PRMT8: variants seen among roughly 807,000 people sequenced by gnomAD.
The protein encoded by PRMT8 is protein arginine methyltransferase 8.
In PRMT8, 7 loss-of-function variants were observed where a neutral mutation model predicts 47.1. The ratio of observed to expected loss-of-function variants is 0.15; its 90% CI spans 0.08 to 0.28. PRMT8 has a LOEUF of 0.28. Ranked by LOEUF, PRMT8 falls within the 10% of genes least tolerant of loss-of-function variation. The probability of loss-of-function intolerance (pLI) is 1.00; values close to 1 mark genes in which losing one functional copy is unlikely to be tolerated. For synonymous variants in PRMT8, 188 were observed against 186.5 expected (o/e 1.01, Z -0.07); for missense variants, 237 against 505.4 (o/e 0.47, Z 5.09).
At position 3,580,372 on chromosome 12, in the gene PRMT8, G is replaced by A. The variant is rs561947388; in HGVS notation, c.829-2686G>A. Among the ~76,000 whole-genome samples, 14 of 147,450 alleles carry A rather than the reference G, an allele frequency of 9.5e-5. No individual in the cohort carries two copies. Among genetic ancestry groups the A allele is most frequent in the Non-Finnish European group, 1.7e-4 (11 of 65,646 alleles). On this transcript the variant is annotated intron_variant, in intron 7 of 9. Coordinates refer to ENST00000382622, the MANE Select transcript of PRMT8 (RefSeq NM_019854.5). This position sits in a 1 kb window ranked among gnomAD's most constrained non-coding sequence, Gnocchi z 4.6. Reference sequence around the variant, plus strand: ...TGTGTGTGTGTGTGTGTGTGTACGCGTGCGCATGCGGGATAGAAGGAGAAA... The same window carrying A: ...TGTGTGTGTGTGTGTGTGTGTACGCATGCGCATGCGGGATAGAAGGAGAAA...
rs370777490 is a variant in PRMT8 at position 3,569,131 on chromosome 12, G to T, written c.624+283G>T. On this transcript the variant is annotated intron_variant, in intron 5 of 9. Transcript: ENST00000382622. This position sits in a 1 kb window ranked among gnomAD's most constrained non-coding sequence, Gnocchi z 8.2. ...CTTGTCGAGTTAAAGGTCCGTTTCG[G>T]TCAGCAAGTACTTAGGACTTGCATG... 6.6e-6 allele frequency among the ~76,000 whole-genome samples: 1 copy of T among 152,182 alleles called. No homozygotes were observed. The highest frequency in any genetic ancestry group is 1.5e-5 in the Non-Finnish European group (1 of 68,038).
intron 1 of PRMT8, among the ~76,000 whole-genome samples, chr12:3,412,789 A>G (rs762085607): frequency 3.3e-5 from 5 of 152,136 alleles, no homozygotes; most frequent in Admixed American, 6.5e-5. Context: ...AGATTTTTGT[A>G]TTTTTAGTAG....
rs894511098 is a variant in PRMT8, at chr12:3,566,359, AC to A, written c.482-2343del. Among the ~76,000 whole-genome samples the A allele has an allele frequency of 6.6e-6, 1 of 151,748 alleles. No homozygotes were observed. The highest frequency in any genetic ancestry group is 1.5e-5 in the Non-Finnish European group (1 of 67,944). The stretch of plus-strand genomic sequence containing the variant: ...GAGACCCAGAGAAACTTCAACACCT[AC>A]CCCTCCCACTCCCACCAAAACTTTT... On this transcript the variant is annotated intron_variant, in intron 4 of 9. Transcript: ENST00000382622. The surrounding 1 kb of genome is among the most constrained non-coding windows in gnomAD (Gnocchi z 4.7).
In PRMT8 at chr12:3,508,365, G is replaced by A. The variant is rs188424276; in HGVS notation, c.75+16665G>A. On this transcript the variant is annotated intron_variant, in intron 1 of 9. Coordinates refer to ENST00000382622, the MANE Select transcript of PRMT8 (RefSeq NM_019854.5). This position sits in a 1 kb window ranked among gnomAD's most constrained non-coding sequence, Gnocchi z 4.9. ...TCATATACAAACATACATATCCTGT[G>A]TGATTTGTAGTTCATAATATGTGAG... Among the ~76,000 whole-genome samples the A allele has an allele frequency of 2.2e-4, 33 of 152,300 alleles. No homozygotes were observed. Among genetic ancestry groups the A allele is most frequent in the Non-Finnish European group, 4.0e-4 (27 of 68,026 alleles).
intron 1 of PRMT8, among the ~76,000 whole-genome samples, chr12:3,449,831 G>C (rs1417713490): frequency 6.6e-6 from 1 of 152,130 alleles, no homozygotes; most frequent in Non-Finnish European, 1.5e-5. Context: ...GTGTTGCCTA[G>C]ATTTTCTTTT....
intron 1 of PRMT8, among the ~76,000 whole-genome samples, chr12:3,472,250 C>CT (rs1437866244): frequency 6.6e-6 from 1 of 152,216 alleles, no homozygotes; most frequent in Non-Finnish European, 1.5e-5. Context: ...CCCAGGGCCT[C>CT]TGTTTGCTTG....
chr12:3,522,658 A>C (rs1334603814), intron 1 of PRMT8, among the ~76,000 whole-genome samples: 4 of 151,506 alleles, frequency 2.6e-5, no homozygotes, highest in African/African-American at 7.3e-5. Flanking sequence ...TAAAAAAAAA[A>C]AAAAAAAAAA....
chr12:3,573,025 T>C (rs1321819185), intron 6 of PRMT8, among the ~76,000 whole-genome samples: 1 of 152,230 alleles, frequency 6.6e-6, no homozygotes, highest in Non-Finnish European at 1.5e-5. Context: ...TGTGGATGGA[T>C]TGTTTCGTTA....
At chr12:3,415,322 G>C (rs1864473221) in intron 1 of PRMT8, among the ~76,000 whole-genome samples, 1 of 152,160 alleles carries the variant, frequency 6.6e-6, no homozygotes, top group African/African-American at 2.4e-5. Flanking sequence ...ACCCAGTCCT[G>C]TTGAATTTTT....
At chr12:3,408,474 C>T (rs998727506) in intron 1 of PRMT8, among the ~76,000 whole-genome samples, 6 of 152,110 alleles carry the variant, frequency 3.9e-5, no homozygotes, top group African/African-American at 1.2e-4. Flanking sequence ...TGGACTCAAG[C>T]GATCTTCCTG....
rs553327399 is a variant in PRMT8 at position 3,421,031 on chromosome 12, T to C, written c.48+39589T>C. On this transcript the variant is annotated intron_variant, in intron 1 of 9. Transcript: ENST00000452611. ...CAGGCATTCCACTGGGAGGAGACGATATTGTGACTATGCTTTGGAAAGGAC... is the reference window on the plus strand; with the variant it reads ...CAGGCATTCCACTGGGAGGAGACGACATTGTGACTATGCTTTGGAAAGGAC... Among the ~76,000 whole-genome samples the C allele has an allele frequency of 2.6e-5, 4 of 152,290 alleles. No homozygotes were observed. The South Asian group carries it at 8.3e-4, about 32-fold the overall frequency.
intron 1 of PRMT8, among the ~76,000 whole-genome samples, chr12:3,405,704 C>T (rs1488505031): frequency 6.6e-6 from 1 of 152,208 alleles, no homozygotes; most frequent in Admixed American, 6.5e-5. Context: ...AAATGATCTC[C>T]TTTGACACCA....
intron 1 of PRMT8, among the ~76,000 whole-genome samples, chr12:3,428,144 C>T (rs1017738675): frequency 2.0e-5 from 3 of 152,078 alleles, no homozygotes; most frequent in African/African-American, 4.8e-5. Flanking sequence ...TAGGTCTGGT[C>T]GGACCTTTGT....
intron 1 of PRMT8, among the ~76,000 whole-genome samples, chr12:3,425,498 A>G (rs531413789): frequency 2.6e-3 from 393 of 152,354 alleles, no homozygotes; most frequent in Non-Finnish European, 4.6e-3. Context: ...AGGTTTTGTC[A>G]GGTCAGGTAG....
chr12:3,385,316 C>T (rs1864128130), intron 1 of PRMT8, among the ~76,000 whole-genome samples: 2 of 152,198 alleles, frequency 1.3e-5, no homozygotes, highest in South Asian at 4.1e-4. Context: ...TAAGCTGCTA[C>T]ACCATACCAC....
chr12:3,491,832 C>CTG lies in PRMT8; in HGVS notation c.75+188_75+189dup, dbSNP rs531683101. 1.5e-3 allele frequency: 829 copies of CTG among 536,306 alleles called. 34 individuals are homozygous for CTG. Among genetic ancestry groups the CTG allele is most frequent in the African/African-American group, 4.9e-3 (94 of 19,254 alleles). The allele number at this position is 536,306 out of a possible 1,614,324, so 33.2% of individuals were successfully genotyped here. A position where few individuals can be genotyped will look rare whatever the true frequency, so the allele number is the denominator to read the frequency against. ...CCCGCTCGCTTCTGCCGGCCTCCTC[C>CTG]TGTGTGTGTGTGTGTGTGTGTGTGT... On this transcript the variant is annotated intron_variant, in intron 1 of 9. Transcript: ENST00000382622.
At chr12:3,533,468 T>C (rs947266264) in intron 1 of PRMT8, among the ~76,000 whole-genome samples, 3 of 152,240 alleles carry the variant, frequency 2.0e-5, no homozygotes, top group African/African-American at 7.2e-5. Context: ...ATTTTTTAGC[T>C]CATCAGCAAT....
chr12:3,400,739 C>T lies in PRMT8; in HGVS notation c.48+19297C>T, dbSNP rs143570218. Among the ~76,000 whole-genome samples, 140 of 152,284 alleles carry T rather than the reference C, an allele frequency of 9.2e-4. 1 individual carries two copies. The highest frequency in any genetic ancestry group is 3.1e-3 in the African/African-American group (129 of 41,558). On this transcript the variant is annotated intron_variant, in intron 1 of 9. Transcript: ENST00000452611. Reference sequence around the variant, plus strand: ...ACTTCAGGCCAATATCCTTGATGAACATCAGTGCAAAAATCCTCAATAAAA... The same window carrying T: ...ACTTCAGGCCAATATCCTTGATGAATATCAGTGCAAAAATCCTCAATAAAA...
chr12:3,387,291 A>G (rs1864150357), intron 1 of PRMT8, among the ~76,000 whole-genome samples: 1 of 152,266 alleles, frequency 6.6e-6, no homozygotes, highest in African/African-American at 2.4e-5. Flanking sequence ...AAAGAGAAAA[A>G]TAAACCAGGG....
Sources: allele counts gnomAD v4.1 joint callset (sites outside exome capture counted in the v4.1 genomes callset), GRCh38; gene constraint gnomAD v4.1.1; non-coding constraint Gnocchi (gnomAD v3.1); transcripts MANE v1.5; gene names NCBI Gene and HGNC (gene_info 2026-07-23, HGNC 2026-07-21).